The following SLC2A13 variants were observed in gnomAD, a reference collection of about 807,000 sequenced individuals.
The protein encoded by SLC2A13 is solute carrier family 2 member 13.
A neutral mutation model predicts 64.4 loss-of-function variants in SLC2A13; 32 were observed. The observed-to-expected ratio is 0.50, with a 90% CI of 0.37 to 0.67. SLC2A13 has a LOEUF of 0.67. Among genes scored for constraint, SLC2A13 ranks in the 30% least tolerant of loss-of-function variants. The probability of loss-of-function intolerance (pLI) is 0.00; values close to 1 mark genes in which losing one functional copy is unlikely to be tolerated. For synonymous variants in SLC2A13, 338 were observed against 327.1 expected (o/e 1.03, Z -0.36); for missense variants, 743 against 829.2 (o/e 0.90, Z 1.28).
At chr12:39,811,323 C>T (rs1184171552) in intron 7 of SLC2A13, among the ~76,000 whole-genome samples, 1 of 151,904 alleles carries the variant, frequency 6.6e-6, no homozygotes, top group Non-Finnish European at 1.5e-5. Flanking sequence ...TTTCCTACTA[C>T]CATTATATCT....
At chr12:40,041,913 A>G (rs1031895994) in intron 2 of SLC2A13, among the ~76,000 whole-genome samples, 1 of 152,228 alleles carries the variant, frequency 6.6e-6, no homozygotes, top group Non-Finnish European at 1.5e-5. Flanking sequence ...ATCTGGCTTC[A>G]GCCTCTCATG....
At chr12:39,848,340 A>C (rs779152814) in intron 6 of SLC2A13, among the ~76,000 whole-genome samples, 25 of 152,150 alleles carry the variant, frequency 1.6e-4, no homozygotes, top group Non-Finnish European at 3.5e-4. Context: ...AAAGAAAAAC[A>C]ACCCCATTAA....
intron 4 of SLC2A13, among the ~76,000 whole-genome samples, chr12:39,902,150 C>G (rs1490590923): frequency 7.2e-6 from 1 of 139,534 alleles, no homozygotes; most frequent in Non-Finnish European, 1.5e-5. Context: ...AATGAGAACA[C>G]ATGGACACAG....
At chr12:39,808,056 A>C (rs1469759221) in intron 7 of SLC2A13, among the ~76,000 whole-genome samples, 1 of 152,172 alleles carries the variant, frequency 6.6e-6, no homozygotes, top group Non-Finnish European at 1.5e-5. Flanking sequence ...GTATAAATCC[A>C]TGTAACCACT....
At chr12:39,826,371 T>C (rs1212036501) in intron 7 of SLC2A13, among the ~76,000 whole-genome samples, 7 of 151,900 alleles carry the variant, frequency 4.6e-5, no homozygotes. Context: ...AAATTCAATA[T>C]GAAGATCTTT....
intron 3 of SLC2A13, among the ~76,000 whole-genome samples, chr12:40,009,602 T>A (rs1947488521): frequency 6.6e-6 from 1 of 152,112 alleles, no homozygotes; most frequent in Non-Finnish European, 1.5e-5. Context: ...GCCAATTTTT[T>A]AAAAAACTTT....
At chr12:39,825,262 A>G (rs1426956654) in intron 7 of SLC2A13, among the ~76,000 whole-genome samples, 1 of 152,186 alleles carries the variant, frequency 6.6e-6, no homozygotes, top group Non-Finnish European at 1.5e-5. Flanking sequence ...AAGGTTTTGT[A>G]TATATGGAGA....
At chr12:39,781,579 CA>C (rs1940985510) in intron 7 of SLC2A13, among the ~76,000 whole-genome samples, 1 of 152,204 alleles carries the variant, frequency 6.6e-6, no homozygotes, top group Non-Finnish European at 1.5e-5. Context: ...TCCTTATTTT[CA>C]AAGCGATTTT....
chr12:39,952,516 G>C (rs1480828906), intron 3 of SLC2A13, among the ~76,000 whole-genome samples: 1 of 152,090 alleles, frequency 6.6e-6, no homozygotes, highest in Non-Finnish European at 1.5e-5. Flanking sequence ...AGTTAGTATG[G>C]GACGTCAAGC....
At chr12:40,070,808 TTC>T (rs1156958363) in intron 1 of SLC2A13, among the ~76,000 whole-genome samples, 3 of 152,182 alleles carry the variant, frequency 2.0e-5, no homozygotes, top group African/African-American at 7.2e-5. Flanking sequence ...TTGCAGCATT[TTC>T]TTATTCCTAA....
chr12:39,861,961 C>T (rs1943773274), intron 6 of SLC2A13, among the ~76,000 whole-genome samples: 1 of 152,132 alleles, frequency 6.6e-6, no homozygotes, highest in Non-Finnish European at 1.5e-5. Flanking sequence ...TTTGCTGCAC[C>T]TATCAACCCA....
chr12:39,809,895 T>C (rs930059110), intron 7 of SLC2A13, among the ~76,000 whole-genome samples: 1 of 152,254 alleles, frequency 6.6e-6, no homozygotes, highest in African/African-American at 2.4e-5. Context: ...ATTTTCTTAA[T>C]CCAGTCTATT....
At chr12:39,828,728 A>G (rs1040954601) in intron 7 of SLC2A13, among the ~76,000 whole-genome samples, 3 of 147,272 alleles carry the variant, frequency 2.0e-5, no homozygotes, top group East Asian at 2.0e-4. Context: ...TTTTTTTCCT[A>G]TTGGCAAAAA....
intron 3 of SLC2A13, among the ~76,000 whole-genome samples, chr12:40,020,875 C>A (rs2136206666): frequency 6.6e-6 from 1 of 151,080 alleles, no homozygotes; most frequent in Middle Eastern, 3.5e-3. Context: ...CTACCCTGAG[C>A]AGCAACTCAT....
chr12:39,972,851 T>C (rs1449726875), intron 3 of SLC2A13, among the ~76,000 whole-genome samples: 2 of 152,152 alleles, frequency 1.3e-5, no homozygotes, highest in Non-Finnish European at 2.9e-5. Flanking sequence ...GTGGATCACC[T>C]GAGGTCGGGA....
At chr12:40,025,689 C>T (rs538828472) in intron 3 of SLC2A13, among the ~76,000 whole-genome samples, 4 of 152,306 alleles carry the variant, frequency 2.6e-5, no homozygotes, top group African/African-American at 9.6e-5. Context: ...AGGTTCCCTT[C>T]AGGTAGCTGC....
In SLC2A13 at chr12:39,889,529, C is replaced by CA. The variant is rs768117594; in HGVS notation, c.1035-17569_1035-17568insT. The stretch of plus-strand genomic sequence containing the variant: ...ACTTTACGCTTCAGTGGTAAACAAC[C>CA]TTTTTTTTTTTTTTTTTTTTTTGAG... On this transcript the variant is annotated intron_variant, in intron 4 of 9. Coordinates refer to ENST00000280871, the MANE Select transcript of SLC2A13 (RefSeq NM_052885.4). 5.0e-5 allele frequency among the ~76,000 whole-genome samples: 6 copies of CA among 119,864 alleles called. No homozygotes were observed. In the East Asian group the frequency reaches 1.3e-3, roughly 27 times the overall value. 78.6% of individuals were successfully genotyped at this position (119,864 alleles called of 152,430 possible).
At chr12:39,868,020 T>A (rs2135933577) in intron 5 of SLC2A13, among the ~76,000 whole-genome samples, 1 of 152,356 alleles carries the variant, frequency 6.6e-6, no homozygotes, top group Non-Finnish European at 1.5e-5. Flanking sequence ...TATTAAAGCA[T>A]AAAACAACTT....
intron 4 of SLC2A13, among the ~76,000 whole-genome samples, chr12:39,935,214 A>G (rs927092997): frequency 2.6e-5 from 4 of 152,162 alleles, no homozygotes; most frequent in African/African-American, 7.2e-5. Flanking sequence ...ACATAGCAAG[A>G]CCCCATTCTC....
Sources: gnomAD v4.1 joint callset for allele counts (sites outside exome capture counted in the v4.1 genomes callset) on GRCh38, gnomAD v4.1.1 for gene constraint, MANE v1.5 for transcripts, NCBI Gene and HGNC (gene_info 2026-07-23, HGNC 2026-07-21) for gene names.